CNTN4: variants seen among roughly 807,000 people sequenced by gnomAD.
CNTN4 encodes the protein contactin-4.
CNTN4 carries 77 observed loss-of-function variants against 122.5 expected under a neutral mutation model. The ratio of observed to expected loss-of-function variants is 0.63; its 90% CI spans 0.52 to 0.76. The LOEUF is 0.76. Among genes scored for constraint, CNTN4 ranks in the 30% least tolerant of loss-of-function variants. CNTN4 has a pLI of 0.00. For synonymous variants in CNTN4, 512 were observed against 447.0 expected, an observed-to-expected ratio of 1.15 and a Z score of -1.83; for missense variants, 1,256 against 1,259.1, an observed-to-expected ratio of 1.00 and a Z score of 0.04.
intron 4 of CNTN4, among the ~76,000 whole-genome samples, chr3:2,584,928 G>C (rs2080118477): frequency 6.6e-6 from 1 of 151,894 alleles, no homozygotes; most frequent in African/African-American, 2.4e-5. Context: ...TAGATAGATA[G>C]ATAGATAGAT....
intron 13 of CNTN4, among the ~76,000 whole-genome samples, chr3:2,971,368 C>A (rs951180246): frequency 2.5e-4 from 35 of 139,538 alleles, no homozygotes; most frequent in Non-Finnish European, 4.3e-4. Context: ...ATCTATCTAT[C>A]TATATATATA....
Position 2,853,258 on chromosome 3 carries a change from T to C in CNTN4, c.455-13494T>C, listed in dbSNP as rs181340666. 3.3e-3 allele frequency among the ~76,000 whole-genome samples: 500 copies of C among 152,284 alleles called. 3 individuals are homozygous for C. The highest frequency in any genetic ancestry group is 0.011 in the African/African-American group (474 of 41,570). On this transcript the variant is annotated intron_variant, in intron 7 of 24. Coordinates refer to ENST00000418658, the MANE Select transcript of CNTN4 (RefSeq NM_175607.3). ...ATTGTTTTTGTTTTGTTTTGTTTTG[T>C]TTTTGAGACGGAGTCTCACTCTGTC...
At position 3,008,921 on chromosome 3, in the gene CNTN4, G is replaced by C. The variant is rs190126479; in HGVS notation, c.1487-17181G>C. 1,772 of 984,288 alleles carry C rather than the reference G, an allele frequency of 1.8e-3. 6 individuals carry two copies. The highest frequency in any genetic ancestry group is 6.3e-3 in the Middle Eastern group (12 of 1,914). 61.0% of individuals were successfully genotyped at this position (984,288 alleles called of 1,614,324 possible). A position where few individuals can be genotyped will look rare whatever the true frequency, so the allele number is the denominator to read the frequency against. On this transcript the variant is annotated intron_variant, in intron 14 of 24. Transcript: ENST00000418658. ...GCAAACCACCAAGATCTAATAAGCT[G>C]TGAGATTCCAAAAGAAGGGCGCCAA...
At chr3:3,034,133 T>A (rs1219614013) in intron 16 of CNTN4, among the ~76,000 whole-genome samples, 3 of 152,100 alleles carry the variant, frequency 2.0e-5, no homozygotes, top group Non-Finnish European at 4.4e-5. Context: ...AGCAACACTG[T>A]AACCTTCAAA....
intron 2 of CNTN4, among the ~76,000 whole-genome samples, chr3:2,122,335 G>A (rs942124870): frequency 6.6e-6 from 1 of 151,666 alleles, no homozygotes; most frequent in African/African-American, 2.4e-5. Context: ...TGTTATATGG[G>A]CACATATAAC....
intron 12 of CNTN4, among the ~76,000 whole-genome samples, chr3:2,919,958 T>C (rs2151314311): frequency 6.6e-6 from 1 of 152,312 alleles, no homozygotes; most frequent in South Asian, 2.1e-4. Flanking sequence ...TGTAACTGAT[T>C]TTTGAGTTTT....
intron 2 of CNTN4, among the ~76,000 whole-genome samples, chr3:2,124,294 G>A (rs1252255003): frequency 2.0e-5 from 3 of 152,160 alleles, no homozygotes; most frequent in Non-Finnish European, 1.5e-5. Context: ...TCAACGGTTA[G>A]CCATGCCACT....
chr3:2,591,352 CTTTTTTTTTTTTTTTTT>C lies in CNTN4; in HGVS notation c.55+19808_55+19824del, dbSNP rs71058629. On this transcript the variant is annotated intron_variant, in intron 4 of 24. Coordinates refer to ENST00000418658, the MANE Select transcript of CNTN4 (RefSeq NM_175607.3). Reference sequence around the variant, plus strand: ...CTTTGAAGAACTAGTAGATTTGTGACTTTTTTTTTTTTTTTTTTTTTTTTTTTTTTGAGACGGAGTCT... The same window carrying C: ...CTTTGAAGAACTAGTAGATTTGTGACTTTTTTTTTTTTTGAGACGGAGTCT... Among the ~76,000 whole-genome samples the C allele has an allele frequency of 1.1e-4, 4 of 36,396 alleles. 1 individual carries two copies. Among genetic ancestry groups the C allele is most frequent in the South Asian group, 3.4e-3 (2 of 584 alleles). The allele number at this position is 36,396 out of a possible 152,430, so 23.9% of individuals were successfully genotyped here.
intron 1 of CNTN4, 23 bp from the exon 2 acceptor site, chr3:2,100,535 C>G (rs946806771): frequency 6.6e-6 from 1 of 152,260 alleles, no homozygotes; most frequent in African/African-American, 2.4e-5. Flanking sequence ...AGTTTGTTCT[C>G]TCTTTCTCTC....
At chr3:2,917,146 T>C (rs114573480) in intron 12 of CNTN4, among the ~76,000 whole-genome samples, 46,583 of 129,822 alleles carry the variant, frequency 0.36, 9,440 homozygotes, top group East Asian at 0.59. Flanking sequence ...CCAAAAAATA[T>C]AAAAACCAGT....
At chr3:2,887,846 A>G (rs533706234) in intron 10 of CNTN4, among the ~76,000 whole-genome samples, 44 of 152,334 alleles carry the variant, frequency 2.9e-4, no homozygotes, top group African/African-American at 1.0e-3. Context: ...TATTGAGACC[A>G]TCTTGGAAAC....
At chr3:2,525,414 G>GTTTATA (rs2077365995) in intron 3 of CNTN4, among the ~76,000 whole-genome samples, 1 of 152,106 alleles carries the variant, frequency 6.6e-6, no homozygotes, top group Non-Finnish European at 1.5e-5. Flanking sequence ...TGTTTATATT[G>GTTTATA]TCGGTAAATT....
At chr3:2,612,743 T>C (rs1365128868) in intron 4 of CNTN4, among the ~76,000 whole-genome samples, 1 of 152,204 alleles carries the variant, frequency 6.6e-6, no homozygotes, top group Non-Finnish European at 1.5e-5. Context: ...TTCATGTCTC[T>C]ATTACAGAAT....
chr3:2,481,069 C>CTTTCTTTCTTTCTTTCTTTCTTTCTT (rs1316209675), intron 3 of CNTN4, among the ~76,000 whole-genome samples: 1 of 138,692 alleles, frequency 7.2e-6, no homozygotes, highest in African/African-American at 2.8e-5. Flanking sequence ...TTCTCTCTTT[C>CTTTCTTTCTTTCTTTCTTTCTTTCTT]TCTCTTTCTC....
chr3:2,863,204 C>T (rs1415922616), intron 7 of CNTN4, among the ~76,000 whole-genome samples: 1 of 152,094 alleles, frequency 6.6e-6, no homozygotes, highest in African/African-American at 2.4e-5. Context: ...ATACAATATT[C>T]CAGGTGGTGA....
intron 3 of CNTN4, among the ~76,000 whole-genome samples, chr3:2,533,400 T>C (rs1370293051): frequency 6.6e-6 from 1 of 152,090 alleles, no homozygotes; most frequent in East Asian, 1.9e-4. Context: ...TTTTTGTCCT[T>C]GCGATAGTTT....
chr3:3,010,907 G>A (rs1559786038), intron 14 of CNTN4, among the ~76,000 whole-genome samples: 1 of 151,762 alleles, frequency 6.6e-6, no homozygotes. Flanking sequence ...CACCCTCATT[G>A]AAATGCAGAT....
intron 14 of CNTN4, among the ~76,000 whole-genome samples, chr3:3,000,688 C>G (rs1574774377): frequency 6.6e-6 from 1 of 152,284 alleles, no homozygotes; most frequent in East Asian, 1.9e-4. Context: ...TCTTAGCGTT[C>G]TCAGGGTCTG....
chr3:2,989,909 T>G (rs1363504270), intron 14 of CNTN4, among the ~76,000 whole-genome samples: 1 of 152,206 alleles, frequency 6.6e-6, no homozygotes, highest in Non-Finnish European at 1.5e-5. Context: ...CTGTTATAGA[T>G]TATTTGTGAA....
Sources: allele counts gnomAD v4.1 joint callset (sites outside exome capture counted in the v4.1 genomes callset), GRCh38; gene constraint gnomAD v4.1.1; transcripts MANE v1.5; gene names NCBI Gene and HGNC (gene_info 2026-07-23, HGNC 2026-07-21).